PEX14: variants seen among roughly 807,000 people sequenced by gnomAD.
The protein encoded by PEX14 is peroxisomal biogenesis factor 14.
A neutral mutation model predicts 49.5 loss-of-function variants in PEX14; 15 were observed. The observed-to-expected ratio is 0.30, with a 90% CI of 0.20 to 0.47. The LOEUF is 0.47. Among genes scored for constraint, PEX14 ranks in the 20% least tolerant of loss-of-function variants. The probability of loss-of-function intolerance (pLI) is 1.00; values close to 1 mark genes in which losing one functional copy is unlikely to be tolerated. For synonymous variants in PEX14, 210 were observed against 212.7 expected (o/e 0.99, Z 0.11); for missense variants, 398 against 494.8 (o/e 0.80, Z 1.86).
At chr1:10,487,106 GTTGA>G (rs1056382725) in intron 1 of PEX14, among the ~76,000 whole-genome samples, 1 of 152,064 alleles carries the variant, frequency 6.6e-6, no homozygotes, top group African/African-American at 2.4e-5. Flanking sequence ...GGTGATTTAT[GTTGA>G]TTGATTTTTG....
At chr1:10,515,102 C>CCAGG (rs1641948451) in intron 2 of PEX14, among the ~76,000 whole-genome samples, 1 of 152,114 alleles carries the variant, frequency 6.6e-6, no homozygotes, top group Non-Finnish European at 1.5e-5. Context: ...TGGATCTGTG[C>CCAGG]CAGGCTTCAC....
chr1:10,604,201 G>A (rs991122356), intron 4 of PEX14, among the ~76,000 whole-genome samples: 3 of 152,200 alleles, frequency 2.0e-5, no homozygotes, highest in African/African-American at 7.2e-5. Context: ...CAGAAGAGGC[G>A]ACGGGAAGCT....
intron 7 of PEX14, among the ~76,000 whole-genome samples, chr1:10,624,818 G>A (rs1314558358): frequency 1.2e-4 from 18 of 152,112 alleles, no homozygotes; most frequent in Admixed American, 1.2e-3. Flanking sequence ...TGGCCAGGAG[G>A]GGTTCTGGAA....
intron 3 of PEX14, among the ~76,000 whole-genome samples, chr1:10,573,689 A>T (rs2124554959): frequency 6.6e-6 from 1 of 152,322 alleles, no homozygotes; most frequent in South Asian, 2.1e-4. Context: ...TTTCTACTCA[A>T]GTTAAGTACA....
intron 3 of PEX14, among the ~76,000 whole-genome samples, chr1:10,548,014 G>A (rs1432236018): frequency 6.6e-6 from 1 of 152,200 alleles, no homozygotes; most frequent in African/African-American, 2.4e-5. Context: ...TCAGGAGTTC[G>A]TGACCGGTCT....
intron 2 of PEX14, among the ~76,000 whole-genome samples, chr1:10,510,769 G>A (rs1292668554): frequency 1.3e-5 from 2 of 152,178 alleles, no homozygotes; most frequent in East Asian, 1.9e-4. Flanking sequence ...CAAGGAGTTG[G>A]ATTGCACAGT....
intron 2 of PEX14, chr1:10,528,242 A>G: frequency 1.2e-6 from 1 of 841,032 alleles, no homozygotes; most frequent in Non-Finnish European, 1.4e-6. Flanking sequence ...CTTCCTAATC[A>G]TCCCGCAGTT....
chr1:10,549,011 G>A (rs1639256955), intron 3 of PEX14, among the ~76,000 whole-genome samples: 1 of 152,124 alleles, frequency 6.6e-6, no homozygotes, highest in Non-Finnish European at 1.5e-5. Context: ...TTAGATTGTT[G>A]AGTAGATTGT....
intron 4 of PEX14, chr1:10,616,721 G>C (rs188485184): frequency 6.6e-6 from 1 of 152,272 alleles, no homozygotes; most frequent in African/African-American, 2.4e-5. Flanking sequence ...GGTTGTGGAC[G>C]TGGGAGCACT....
intron 3 of PEX14, among the ~76,000 whole-genome samples, chr1:10,592,743 T>C (rs1640706566): frequency 6.6e-6 from 1 of 152,242 alleles, no homozygotes; most frequent in African/African-American, 2.4e-5. Flanking sequence ...GGCTATGTCA[T>C]TGAAACTGCT....
Position 10,622,987 on chromosome 1 carries a change from A to G in PEX14, c.385-32A>G. The stretch of plus-strand genomic sequence containing the variant: ...TGTTGGAGGATAACCCCGGGTCCGT[A>G]TGCATTCCTCACCCTGTCCCGCTTC... On this transcript the variant is annotated intron_variant, in intron 5 of 8. Transcript: ENST00000356607. 2.1e-6 allele frequency: 3 copies of G among 1,426,244 alleles called. No individual in the cohort carries two copies. In the South Asian group the frequency reaches 3.5e-5, roughly 17 times the overall value. The allele number at this position is 1,426,244 out of a possible 1,614,324, so 88.3% of individuals were successfully genotyped here.
intron 2 of PEX14, among the ~76,000 whole-genome samples, chr1:10,525,615 A>G (rs1638449097): frequency 6.6e-6 from 1 of 152,070 alleles, no homozygotes; most frequent in Admixed American, 6.5e-5. Flanking sequence ...TTGTCATTCT[A>G]CTGTCAATTT....
intron 3 of PEX14, among the ~76,000 whole-genome samples, chr1:10,540,086 A>G (rs1187512134): frequency 1.3e-5 from 2 of 152,190 alleles, no homozygotes; most frequent in African/African-American, 4.8e-5. Context: ...TGAAACAAAT[A>G]AAACACACCA....
At chr1:10,542,701 C>T (rs2988398) in intron 3 of PEX14, among the ~76,000 whole-genome samples, 104,294 of 151,718 alleles carry the variant, frequency 0.69, 38,363 homozygotes, top group Non-Finnish European at 0.82. Flanking sequence ...ACAAAGGTTG[C>T]AGTGAGCCGA....
intron 7 of PEX14, among the ~76,000 whole-genome samples, chr1:10,625,244 CAGACAGACCGGGCCCAGG>C (rs1417290171): frequency 1.3e-5 from 2 of 152,150 alleles, no homozygotes; most frequent in African/African-American, 2.4e-5. Flanking sequence ...GAGGCGGTAT[CAGACAGACCGGGCCCAGG>C]AGACAGTGGC....
At position 10,494,542 on chromosome 1, in the gene PEX14, C is replaced by G. The variant is rs778944850; in HGVS notation, c.37-732C>G. ...AATTTTGGCCAGATCAGTCAAGGGT[C>G]GAAGGCGCCTGTGAGGGTGAGGTAG... On this transcript the variant is annotated intron_variant, in intron 1 of 8. Coordinates refer to ENST00000356607, the MANE Select transcript of PEX14 (RefSeq NM_004565.3). This position sits in a 1 kb window ranked among gnomAD's most constrained non-coding sequence, Gnocchi z 4.3. Among the ~76,000 whole-genome samples, 2 of 152,166 alleles carry G rather than the reference C, an allele frequency of 1.3e-5. No individual in the cohort carries two copies. Among genetic ancestry groups the G allele is most frequent in the Admixed American group, 6.5e-5 (1 of 15,270 alleles).
chr1:10,592,320 G>A (rs1014307429), intron 3 of PEX14, among the ~76,000 whole-genome samples: 3 of 151,968 alleles, frequency 2.0e-5, no homozygotes, highest in African/African-American at 7.3e-5. Flanking sequence ...CAGCCGCAAC[G>A]ATATTTGTCC....
At chr1:10,481,174 G>A (rs1641278097) in intron 1 of PEX14, among the ~76,000 whole-genome samples, 8 of 129,680 alleles carry the variant, frequency 6.2e-5, no homozygotes. Flanking sequence ...GTCTTGCTCT[G>A]TTGCCCAGGC....
intron 6 of PEX14, 53 bp from the exon 7 acceptor site, chr1:10,624,287 G>A: frequency 8.6e-7 from 1 of 1,163,918 alleles, no homozygotes; most frequent in Non-Finnish European, 1.3e-6. Context: ...CCGAGCGAGG[G>A]GAACGTCTGT....
Sources: allele counts gnomAD v4.1 joint callset (sites outside exome capture counted in the v4.1 genomes callset), GRCh38; gene constraint gnomAD v4.1.1; non-coding constraint Gnocchi (gnomAD v3.1); transcripts MANE v1.5; gene names NCBI Gene and HGNC (gene_info 2026-07-23, HGNC 2026-07-21).